The following ADAMTSL1 variants were observed in gnomAD, a reference collection of about 807,000 sequenced individuals.
ADAMTSL1 encodes the protein ADAMTS-like protein 1.
Under a neutral mutation model 201.8 loss-of-function variants are expected in ADAMTSL1, and 126 were observed. That is an observed-to-expected ratio of 0.62 (90% CI 0.54 to 0.72). The LOEUF is 0.72. Among genes scored for constraint, ADAMTSL1 ranks in the 30% least tolerant of loss-of-function variants. The pLI, the probability that ADAMTSL1 is intolerant of heterozygous loss-of-function variation, is 0.00. For synonymous variants in ADAMTSL1, 1,121 were observed against 903.4 expected (o/e 1.24, Z -4.32); for missense variants, 2,679 against 2,277.8 (o/e 1.18, Z -3.59).
chr9:18,112,101 C>A (rs1825049985), intron 1 of ADAMTSL1, among the ~76,000 whole-genome samples: 1 of 152,110 alleles, frequency 6.6e-6, no homozygotes, highest in South Asian at 2.1e-4. Flanking sequence ...ATTCAGCACA[C>A]TTATTTAGTT....
At chr9:18,761,259 C>G (rs1004797433) in intron 16 of ADAMTSL1, among the ~76,000 whole-genome samples, 3 of 152,098 alleles carry the variant, frequency 2.0e-5, no homozygotes, top group Non-Finnish European at 4.4e-5. Context: ...AATTAAACTA[C>G]CAAGAAGAAA....
chr9:18,423,792 T>C (rs1343431513), intron 2 of ADAMTSL1, among the ~76,000 whole-genome samples: 1 of 152,218 alleles, frequency 6.6e-6, no homozygotes, highest in African/African-American at 2.4e-5. Flanking sequence ...TTACTTGCAA[T>C]GTAGGGACAA....
At chr9:18,076,598 C>T (rs1397067729) in intron 1 of ADAMTSL1, among the ~76,000 whole-genome samples, 1 of 152,138 alleles carries the variant, frequency 6.6e-6, no homozygotes, top group Non-Finnish European at 1.5e-5. Flanking sequence ...GTTATGAGTG[C>T]TTTGAGCATG....
chr9:18,207,638 T>G (rs115500969), intron 2 of ADAMTSL1, among the ~76,000 whole-genome samples: 2 of 152,158 alleles, frequency 1.3e-5, no homozygotes, highest in African/African-American at 4.8e-5. Context: ...CATGGTCCGA[T>G]GCTAGTCATT....
intron 1 of ADAMTSL1, among the ~76,000 whole-genome samples, chr9:18,491,214 T>C (rs1039349919): frequency 2.6e-5 from 4 of 152,186 alleles, no homozygotes; most frequent in African/African-American, 9.6e-5. Flanking sequence ...AAAACAGGCT[T>C]TAAAAAAGAT....
chr9:18,480,322 C>G (rs1821660434), intron 1 of ADAMTSL1, among the ~76,000 whole-genome samples: 1 of 152,096 alleles, frequency 6.6e-6, no homozygotes, highest in Non-Finnish European at 1.5e-5. Context: ...TACTATATGG[C>G]ACTTGTAGGC....
intron 2 of ADAMTSL1, among the ~76,000 whole-genome samples, chr9:18,202,628 C>T (rs1359031621): frequency 6.6e-6 from 1 of 152,202 alleles, no homozygotes; most frequent in Non-Finnish European, 1.5e-5. Flanking sequence ...TGACTTCCGG[C>T]AAAATGAAGA....
intron 15 of ADAMTSL1, chr9:18,723,749 A>G (rs1202919511): frequency 3.3e-5 from 5 of 152,580 alleles, no homozygotes; most frequent in African/African-American, 4.8e-5. Flanking sequence ...GGACCAAAGT[A>G]TAATGGCCTA....
chr9:17,984,847 G>A lies in ADAMTSL1; in HGVS notation c.87+77925G>A, dbSNP rs1487331590. Among the ~76,000 whole-genome samples the A allele has an allele frequency of 2.0e-5, 3 of 152,084 alleles. No individual in the cohort carries two copies. The East Asian group carries it at 5.8e-4, about 29-fold the overall frequency. ...TTTCCTCAGTGGTAAGAGTTTGGGG[G>A]CCTGGGTCAAAATCCTAATCATAAC... On this transcript the variant is annotated intron_variant, in intron 1 of 29. Transcript: ENST00000680146.
intron 2 of ADAMTSL1, among the ~76,000 whole-genome samples, chr9:18,252,004 G>T (rs909362274): frequency 1.3e-5 from 2 of 151,628 alleles, no homozygotes; most frequent in African/African-American, 4.8e-5. Context: ...TATAAAATAT[G>T]AAATTAAAGA....
intron 2 of ADAMTSL1, among the ~76,000 whole-genome samples, chr9:18,424,205 A>C (rs1819092524): frequency 6.6e-6 from 1 of 152,202 alleles, no homozygotes; most frequent in Non-Finnish European, 1.5e-5. Context: ...TGTTTCTTCC[A>C]TTTCCAAGAC....
chr9:18,478,781 A>C (rs1315859650), intron 1 of ADAMTSL1, among the ~76,000 whole-genome samples: 4 of 152,238 alleles, frequency 2.6e-5, no homozygotes, highest in African/African-American at 9.7e-5. Context: ...CCTACTGGTT[A>C]ACTGTATTGA....
intron 23 of ADAMTSL1, among the ~76,000 whole-genome samples, chr9:18,880,038 C>G (rs1297423834): frequency 6.6e-6 from 1 of 152,320 alleles, no homozygotes; most frequent in South Asian, 2.1e-4. Context: ...TAAAAAGCAA[C>G]TCCTCATCCA....
intron 13 of ADAMTSL1, among the ~76,000 whole-genome samples, chr9:18,686,426 T>C (rs1752834426): frequency 1.3e-5 from 2 of 152,206 alleles, no homozygotes; most frequent in African/African-American, 4.8e-5. Context: ...GCTTCTCCTC[T>C]GCCAGTACCT....
At chr9:18,629,330 TA>T (rs1419323225) in intron 5 of ADAMTSL1, among the ~76,000 whole-genome samples, 6 of 152,156 alleles carry the variant, frequency 3.9e-5, no homozygotes, top group Non-Finnish European at 5.9e-5. Flanking sequence ...TTCCTAATCT[TA>T]AGAGGAAAGC....
At chr9:18,523,237 T>C (rs1469764421) in intron 2 of ADAMTSL1, among the ~76,000 whole-genome samples, 2 of 152,242 alleles carry the variant, frequency 1.3e-5, no homozygotes, top group Admixed American at 1.3e-4. Flanking sequence ...CATAAATGTC[T>C]TCTTTTGAGA....
intron 1 of ADAMTSL1, among the ~76,000 whole-genome samples, chr9:18,152,260 C>T (rs770876223): frequency 6.6e-6 from 1 of 151,914 alleles, no homozygotes; most frequent in African/African-American, 2.4e-5. Flanking sequence ...ATTATAGGTG[C>T]TTGGAGGATG....
chr9:18,085,921 G>A (rs188102669), intron 1 of ADAMTSL1, among the ~76,000 whole-genome samples: 1 of 152,000 alleles, frequency 6.6e-6, no homozygotes, highest in African/African-American at 2.4e-5. Flanking sequence ...AGTGGCTCAG[G>A]CAAGGACAGT....
At chr9:18,384,800 G>C (rs1233568216) in intron 2 of ADAMTSL1, among the ~76,000 whole-genome samples, 7 of 152,180 alleles carry the variant, frequency 4.6e-5, no homozygotes, top group African/African-American at 1.7e-4. Flanking sequence ...TCCTCCCACT[G>C]ATGTTGTTGT....
Sources: allele counts gnomAD v4.1 joint callset (sites outside exome capture counted in the v4.1 genomes callset), GRCh38; gene constraint gnomAD v4.1.1; transcripts MANE v1.5; gene names NCBI Gene and HGNC (gene_info 2026-07-23, HGNC 2026-07-21).